Variants in PDS5A observed in about 807,000 individuals in gnomAD.
The protein encoded by PDS5A is PDS5 cohesin associated factor A, also known as sister chromatid cohesion protein PDS5 homolog A.
PDS5A carries 42 observed loss-of-function variants against 167.1 expected under a neutral mutation model. That is an observed-to-expected ratio of 0.25 (90% CI 0.20 to 0.33). PDS5A has a LOEUF of 0.33. PDS5A is among the 10% of genes least tolerant of loss of function. PDS5A has a pLI of 1.00. For missense variants in PDS5A, 1,033 were observed against 1,605.9 expected, an observed-to-expected ratio of 0.64 and a Z score of 6.10; for synonymous variants, 553 against 554.6, an observed-to-expected ratio of 1.00 and a Z score of 0.04.
At chr4:39,886,478 C>T (rs1721485779) in intron 17 of PDS5A, among the ~76,000 whole-genome samples, 1 of 152,014 alleles carries the variant, frequency 6.6e-6, no homozygotes, top group Admixed American at 6.6e-5. Flanking sequence ...CTTTGGGAGG[C>T]CGAAGTGGGC....
At chr4:39,914,776 T>C (rs896628368) in intron 8 of PDS5A, among the ~76,000 whole-genome samples, 3 of 152,178 alleles carry the variant, frequency 2.0e-5, no homozygotes, top group African/African-American at 7.2e-5. Context: ...AAAATAAACA[T>C]AGTATCTAAA....
At chr4:39,835,103 T>A (rs1212571783) in intron 32 of PDS5A, among the ~76,000 whole-genome samples, 1 of 152,178 alleles carries the variant, frequency 6.6e-6, no homozygotes, top group Non-Finnish European at 1.5e-5. Context: ...CACACCCAGC[T>A]AATTTTTTGT....
chr4:39,964,319 C>T (rs1729773462), intron 2 of PDS5A, among the ~76,000 whole-genome samples: 1 of 152,194 alleles, frequency 6.6e-6, no homozygotes, highest in Non-Finnish European at 1.5e-5. Flanking sequence ...ACAGACTGAA[C>T]TCATGGCTGA....
At chr4:39,859,842 G>A (rs914093191) in intron 26 of PDS5A, among the ~76,000 whole-genome samples, 2 of 152,238 alleles carry the variant, frequency 1.3e-5, no homozygotes, top group African/African-American at 2.4e-5. Flanking sequence ...ATGAACTGGG[G>A]ACAAAGAGCA....
At chr4:39,826,184 G>GTTT (rs34109809) in intron 32 of PDS5A, among the ~76,000 whole-genome samples, 1 of 142,862 alleles carries the variant, frequency 7.0e-6, no homozygotes, top group African/African-American at 2.6e-5. Context: ...AAACTGGCGT[G>GTTT]TTTTTTTTTT....
chr4:39,930,215 C>CAAAAAAAAAA (rs764983592), intron 2 of PDS5A, among the ~76,000 whole-genome samples: 24 of 35,090 alleles, frequency 6.8e-4, no homozygotes, highest in Non-Finnish European at 1.1e-3. Context: ...GACTCCATCT[C>CAAAAAAAAAA]AAAAAAAAAA....
intron 2 of PDS5A, among the ~76,000 whole-genome samples, chr4:39,928,783 C>T (rs1275381910): frequency 2.0e-5 from 3 of 150,538 alleles, no homozygotes; most frequent in Non-Finnish European, 4.4e-5. Flanking sequence ...CAAGATCACA[C>T]CACTGCAATC....
intron 2 of PDS5A, among the ~76,000 whole-genome samples, chr4:39,928,722 G>A (rs937110079): frequency 3.3e-5 from 5 of 151,752 alleles, no homozygotes; most frequent in African/African-American, 4.8e-5. Flanking sequence ...CTGCATAGGA[G>A]GATGAGATAG....
At chr4:39,905,576 A>C (rs1252429486) in intron 11 of PDS5A, among the ~76,000 whole-genome samples, 1 of 152,060 alleles carries the variant, frequency 6.6e-6, no homozygotes, top group African/African-American at 2.4e-5. Context: ...AACAAAAAAC[A>C]AAAAACTGAC....
intron 32 of PDS5A, among the ~76,000 whole-genome samples, chr4:39,833,191 CAAAAAAAAAAAAAA>C (rs1166233113): frequency 7.9e-5 from 3 of 37,928 alleles, no homozygotes; most frequent in African/African-American, 2.5e-4. Context: ...AACTCCGTCT[CAAAAAAAAAAAAAA>C]AAAAAAAAAA....
intron 11 of PDS5A, among the ~76,000 whole-genome samples, chr4:39,906,937 A>AAAC (rs1723425769): frequency 1.3e-5 from 2 of 151,328 alleles, no homozygotes; most frequent in Non-Finnish European, 2.9e-5. Flanking sequence ...AAAAAAAAAA[A>AAAC]AAAAAACAAG....
chr4:39,920,441 A>AACATTT, intron 6 of PDS5A, 42 bp from the exon 7 acceptor site: 1 of 900,452 alleles, frequency 1.1e-6, no homozygotes, highest in Non-Finnish European at 1.8e-6. Context: ...AATAAATGTT[A>AACATTT]ATTTATGAGA....
At chr4:39,943,121 AATACACACAC>A (rs1258827249) in intron 2 of PDS5A, among the ~76,000 whole-genome samples, 4 of 110,550 alleles carry the variant, frequency 3.6e-5, no homozygotes, top group African/African-American at 7.3e-5. Context: ...AAACTATGCA[AATACACACAC>A]ACACACACAC....
chr4:39,880,128 C>G (rs1047252102), intron 17 of PDS5A, among the ~76,000 whole-genome samples: 2 of 151,826 alleles, frequency 1.3e-5, no homozygotes, highest in Non-Finnish European at 1.5e-5. Context: ...TCCATATATA[C>G]AGAGATCATT....
At chr4:39,976,951 G>GC (rs918307705) in intron 1 of PDS5A, among the ~76,000 whole-genome samples, 4 of 152,120 alleles carry the variant, frequency 2.6e-5, no homozygotes, top group Non-Finnish European at 4.4e-5. Context: ...GGACCCCAAG[G>GC]CCCCCGCTCG....
At chr4:39,841,563 A>C (rs1345528221) in intron 31 of PDS5A, among the ~76,000 whole-genome samples, 1 of 146,584 alleles carries the variant, frequency 6.8e-6, no homozygotes, top group Non-Finnish European at 1.5e-5. Flanking sequence ...CCCAGGCTTG[A>C]GTACAATGGC....
At chr4:39,964,014 C>A (rs543106393) in intron 2 of PDS5A, among the ~76,000 whole-genome samples, 24 of 152,188 alleles carry the variant, frequency 1.6e-4, no homozygotes, top group African/African-American at 5.3e-4. Context: ...TCAAGTGATT[C>A]TCCTGCCTCA....
rs1416078297 is a variant in PDS5A, at chr4:39,837,882, T to C, written c.3984A>G (p.Pro1328=). Residue 1328 remains proline, a synonymous_variant, in exon 32 of 33, where the codon CCA becomes CCG. Transcript: ENST00000303538. ...KLQDLAKKAA[P]AERQIDLQR is the part of the protein sequence containing the mutation. The stretch of plus-strand genomic sequence containing the variant: ...TTTGTAAGTCAATTTGTCTTTCTGC[T>C]GGTGCTGCCTTTTTGGCTAAATCTT... The C allele has an allele frequency of 6.2e-7, 1 of 1,611,268 alleles. No individual in the cohort carries two copies. Among genetic ancestry groups the C allele is most frequent in the Non-Finnish European group, 8.5e-7 (1 of 1,179,118 alleles).
chr4:39,953,777 C>T (rs1284067321), intron 2 of PDS5A, among the ~76,000 whole-genome samples: 1 of 152,082 alleles, frequency 6.6e-6, no homozygotes, highest in Non-Finnish European at 1.5e-5. Flanking sequence ...AAATATAAAA[C>T]ACTGAAATGC....
Sources: allele counts gnomAD v4.1 joint callset (sites outside exome capture counted in the v4.1 genomes callset), GRCh38; gene constraint gnomAD v4.1.1; transcripts MANE v1.5; gene names NCBI Gene and HGNC (gene_info 2026-07-23, HGNC 2026-07-21).